The following SV2C variants were observed in gnomAD, a reference collection of about 807,000 sequenced individuals.
SV2C encodes solute carrier family 22 member B3.
A neutral mutation model predicts 79.7 loss-of-function variants in SV2C; 49 were observed. The ratio of observed to expected loss-of-function variants is 0.61; its 90% CI spans 0.49 to 0.78. SV2C has a LOEUF of 0.78. SV2C is among the 30% of genes least tolerant of loss of function. The pLI, the probability that SV2C is intolerant of heterozygous loss-of-function variation, is 0.00. For missense variants in SV2C, 833 were observed against 912.9 expected (o/e 0.91, Z 1.13); for synonymous variants, 334 against 333.2 (o/e 1.00, Z -0.03).
At chr5:75,969,554 A>G in the SV2C span, among the ~76,000 whole-genome samples, 3 of 152,208 alleles carry the variant, frequency 2.0e-5, no homozygotes, top group African/African-American at 7.2e-5. Flanking sequence ...CTTTAAACCA[A>G]CGAAGATCAA....
At chr5:76,007,132 G>T in the SV2C span, among the ~76,000 whole-genome samples, 1 of 152,038 alleles carries the variant, frequency 6.6e-6, no homozygotes, top group Admixed American at 6.5e-5. Flanking sequence ...TTGAATTTAA[G>T]CTGTTTGGCT....
chr5:76,047,859 G>T, the SV2C span, among the ~76,000 whole-genome samples: 1 of 147,380 alleles, frequency 6.8e-6, no homozygotes, highest in Non-Finnish European at 1.5e-5. Flanking sequence ...TCCGCCTCCC[G>T]GGTTCACTCC....
At chr5:76,300,538 T>C in intron 10 of SV2C, among the ~76,000 whole-genome samples, 191 bp from the exon 11 acceptor site, 1 of 152,130 alleles carries the variant, frequency 6.6e-6, no homozygotes, top group Non-Finnish European at 1.5e-5. Flanking sequence ...ATTCACCTAC[T>C]TTATGATGTG....
chr5:76,186,583 G>A (rs1052889800), intron 2 of SV2C, among the ~76,000 whole-genome samples: 1 of 152,148 alleles, frequency 6.6e-6, no homozygotes, highest in Non-Finnish European at 1.5e-5. Flanking sequence ...TCCCAGCTAT[G>A]CAGGAGGCTG....
At chr5:75,861,903 C>A in the SV2C span, among the ~76,000 whole-genome samples, 1 of 152,038 alleles carries the variant, frequency 6.6e-6, no homozygotes, top group Admixed American at 6.6e-5. Flanking sequence ...CAATCACACC[C>A]CAGACTTCAG....
the SV2C span, among the ~76,000 whole-genome samples, chr5:76,061,241 G>T: frequency 1.6e-5 from 2 of 125,090 alleles, no homozygotes; most frequent in East Asian, 2.5e-4. Flanking sequence ...TTTACTTGAT[G>T]CAAGGTTGCC....
intron 3 of SV2C, among the ~76,000 whole-genome samples, chr5:76,196,113 A>G (rs544669540): frequency 6.0e-4 from 91 of 152,328 alleles, no homozygotes; most frequent in African/African-American, 2.1e-3. Flanking sequence ...ACCACAACCT[A>G]CAAAGCAGAA....
At chr5:76,232,264 T>C (rs1745443885) in intron 4 of SV2C, among the ~76,000 whole-genome samples, 1 of 148,472 alleles carries the variant, frequency 6.7e-6, no homozygotes, top group Admixed American at 6.6e-5. Context: ...TCATGTCCTT[T>C]GCCCACTTTT....
At chr5:76,243,012 T>TAAAAAAAAAAAAAA (rs559052290) in intron 4 of SV2C, among the ~76,000 whole-genome samples, 20 of 49,926 alleles carry the variant, frequency 4.0e-4, no homozygotes, top group African/African-American at 8.3e-4. Flanking sequence ...AGACCCCATC[T>TAAAAAAAAAAAAAA]AAAAAAAAAA....
chr5:76,349,815 C>T (rs1561329292), intron 12 of SV2C, among the ~76,000 whole-genome samples: 1 of 152,052 alleles, frequency 6.6e-6, no homozygotes, highest in East Asian at 1.9e-4. Flanking sequence ...GGATTATAGG[C>T]AGGAGCCACC....
the SV2C span, among the ~76,000 whole-genome samples, chr5:75,953,824 C>A: frequency 1.3e-5 from 2 of 151,954 alleles, no homozygotes; most frequent in African/African-American, 4.8e-5. Context: ...AAGTTGTCTA[C>A]AAAATGTACC....
chr5:76,260,094 T>G (rs1158291802), intron 4 of SV2C, among the ~76,000 whole-genome samples: 1 of 152,200 alleles, frequency 6.6e-6, no homozygotes, highest in East Asian at 1.9e-4. Flanking sequence ...CTCCACATCC[T>G]CTCCAGCATG....
the SV2C span, among the ~76,000 whole-genome samples, chr5:75,992,830 C>T: frequency 6.6e-6 from 1 of 151,992 alleles, no homozygotes; most frequent in Non-Finnish European, 1.5e-5. Flanking sequence ...GTGAGAATGT[C>T]AGCACCACTG....
At chr5:76,261,326 C>A (rs1020981759) in intron 4 of SV2C, among the ~76,000 whole-genome samples, 1 of 152,138 alleles carries the variant, frequency 6.6e-6, no homozygotes, top group African/African-American at 2.4e-5. Context: ...CATTTATCAG[C>A]TTAAGGAGTT....
intron 4 of SV2C, among the ~76,000 whole-genome samples, chr5:76,223,432 TATACATAC>T (rs772572893): frequency 2.0e-4 from 17 of 84,186 alleles, no homozygotes; most frequent in African/African-American, 7.9e-4. Flanking sequence ...TGTCTCTTTA[TATACATAC>T]ATACATATAT....
At chr5:75,907,834 T>A in the SV2C span, among the ~76,000 whole-genome samples, 1 of 152,248 alleles carries the variant, frequency 6.6e-6, no homozygotes, top group South Asian at 2.1e-4. Context: ...TAATAGAGGC[T>A]TGAAGGAAGA....
At chr5:76,154,189 A>T (rs1396172646) in intron 2 of SV2C, among the ~76,000 whole-genome samples, 1 of 152,156 alleles carries the variant, frequency 6.6e-6, no homozygotes, top group Non-Finnish European at 1.5e-5. Flanking sequence ...CAAGTGACTC[A>T]CCTTCCAAAA....
intron 12 of SV2C, among the ~76,000 whole-genome samples, chr5:76,310,260 G>A (rs973420749): frequency 7.2e-5 from 11 of 152,168 alleles, no homozygotes; most frequent in South Asian, 2.1e-4. Flanking sequence ...ATAAAGCTAC[G>A]TGGAGCATAG....
intron 2 of SV2C, among the ~76,000 whole-genome samples, chr5:76,182,886 C>T (rs982411983): frequency 2.6e-5 from 4 of 151,656 alleles, no homozygotes; most frequent in African/African-American, 4.8e-5. Context: ...GGAGCAGGCA[C>T]GCCACATGGT....
Sources: gnomAD v4.1 joint callset for allele counts (sites outside exome capture counted in the v4.1 genomes callset) on GRCh38, gnomAD v4.1.1 for gene constraint, MANE v1.5 for transcripts, NCBI Gene and HGNC (gene_info 2026-07-23, HGNC 2026-07-21) for gene names.